PHKB: variants seen among roughly 807,000 people sequenced by gnomAD.
The protein encoded by PHKB is phosphorylase b kinase regulatory subunit beta.
A neutral mutation model predicts 152.1 loss-of-function variants in PHKB; 122 were observed. The ratio of observed to expected loss-of-function variants is 0.80; its 90% CI spans 0.69 to 0.93. PHKB has a LOEUF of 0.93. Ranked by LOEUF, PHKB falls within the 40% of genes least tolerant of loss-of-function variation. The pLI is 0.00. For synonymous variants in PHKB, 436 were observed against 464.9 expected (o/e 0.94, Z 0.80); for missense variants, 1,304 against 1,328.4 (o/e 0.98, Z 0.29).
intron 26 of PHKB, among the ~76,000 whole-genome samples, chr16:47,672,120 A>T (rs143419012): frequency 6.6e-6 from 1 of 152,166 alleles, no homozygotes; most frequent in Admixed American, 6.5e-5. Flanking sequence ...TTTTTAAGTG[A>T]TTTGCCTGAT....
chr16:47,693,604 G>C (rs1974100960), intron 28 of PHKB, 97 bp downstream of exon 28: 1 of 1,256,408 alleles, frequency 8.0e-7, no homozygotes, highest in South Asian at 1.2e-5. Context: ...CCTTTTCAGC[G>C]TTCTAAGAGT....
intron 29 of PHKB, among the ~76,000 whole-genome samples, chr16:47,697,270 A>G (rs925026647): frequency 6.6e-6 from 1 of 152,160 alleles, no homozygotes; most frequent in Non-Finnish European, 1.5e-5. Context: ...CCTAAAATCT[A>G]GCATGTCTGG....
chr16:47,513,095 G>T (rs1401800311), intron 5 of PHKB, among the ~76,000 whole-genome samples: 1 of 152,210 alleles, frequency 6.6e-6, no homozygotes, highest in Non-Finnish European at 1.5e-5. Flanking sequence ...GTTTTCAGAA[G>T]ATAATAGCTT....
chr16:47,677,836 GTA>G lies in PHKB; in HGVS notation c.2630+8422_2630+8423del, dbSNP rs1446196175. 2.6e-5 allele frequency among the ~76,000 whole-genome samples: 4 copies of G among 151,014 alleles called. No individual in the cohort carries two copies. In the East Asian group the frequency reaches 7.8e-4, roughly 29 times the overall value. ...CACAATGTGCAGGTTTGTTACATAT[GTA>G]TAGATCTGCCATGTTGGTGTGCTGC... On this transcript the variant is annotated intron_variant, in intron 26 of 30. Transcript: ENST00000323584.
At chr16:47,687,204 T>G (rs1973979835) in intron 26 of PHKB, among the ~76,000 whole-genome samples, 1 of 152,184 alleles carries the variant, frequency 6.6e-6, no homozygotes, top group Non-Finnish European at 1.5e-5. Flanking sequence ...ATAAATAAAA[T>G]AAGTAGAAGA....
chr16:47,566,747 A>G (rs1315456605), intron 7 of PHKB: 2 of 755,922 alleles, frequency 2.6e-6, no homozygotes, highest in East Asian at 2.5e-5. Flanking sequence ...TTGTTGAAAT[A>G]TCTCCTTCCA....
intron 5 of PHKB, 77 bp downstream of exon 5, chr16:47,511,849 GGGACTAGTTTTGT>G (rs764196045): frequency 9.1e-5 from 89 of 983,168 alleles, no homozygotes; most frequent in Non-Finnish European, 1.4e-4. Flanking sequence ...TTTGGCACCA[GGGACTAGTTTTGT>G]GGAAAACAAG....
At chr16:47,690,957 A>G (rs536609795) in intron 27 of PHKB, among the ~76,000 whole-genome samples, 1 of 152,220 alleles carries the variant, frequency 6.6e-6, no homozygotes, top group South Asian at 2.1e-4. Flanking sequence ...TGGTGGCTCA[A>G]GCTTGTGATC....
chr16:47,511,136 A>G (rs1798455857), intron 4 of PHKB, among the ~76,000 whole-genome samples: 1 of 152,214 alleles, frequency 6.6e-6, no homozygotes, highest in South Asian at 2.1e-4. Context: ...TGCCTTAGTA[A>G]TGAGAGTACA....
chr16:47,482,872 C>T (rs574925145), intron 1 of PHKB, among the ~76,000 whole-genome samples: 4 of 151,594 alleles, frequency 2.6e-5, no homozygotes, highest in Non-Finnish European at 5.9e-5. Context: ...AGGCACACAC[C>T]ACCATGCCTG....
At chr16:47,471,246 G>A (rs376901815) in intron 1 of PHKB, among the ~76,000 whole-genome samples, 4 of 152,154 alleles carry the variant, frequency 2.6e-5, no homozygotes, top group African/African-American at 7.2e-5. Context: ...TATTTAAAGC[G>A]TACTGAAAAG....
intron 5 of PHKB, among the ~76,000 whole-genome samples, chr16:47,512,535 A>G (rs1163831099): frequency 1.3e-5 from 2 of 152,222 alleles, no homozygotes; most frequent in African/African-American, 4.8e-5. Context: ...TTAATGTGTC[A>G]TCCTTCAGTG....
In PHKB at chr16:47,547,445, C is replaced by G; in HGVS notation, c.607C>G (p.Gln203Glu). The change falls in exon 7 of 31, where the codon CAA becomes GAA. Residue 203 changes from glutamine to glutamate, a missense_variant. Physicochemically the swap from Gln to Glu is conservative, Grantham distance 29. Transcript: ENST00000323584. ...IYNTDEVSFI[Q>E]NLVFCVERVY... is the part of the protein sequence containing the mutation. ...CTTTTTCTTTTAGGTCTCTTTTATT[C>G]AAAACCTTGTATTTTGTGTGGAAAG... 6.2e-7 allele frequency: 1 copy of G among 1,604,312 alleles called. No individual in the cohort carries two copies. The highest frequency in any genetic ancestry group is 8.5e-7 in the Non-Finnish European group (1 of 1,171,372).
intron 26 of PHKB, among the ~76,000 whole-genome samples, chr16:47,680,174 T>G (rs1345421642): frequency 2.0e-5 from 3 of 152,234 alleles, no homozygotes; most frequent in Non-Finnish European, 4.4e-5. Flanking sequence ...AGTTTGCCAG[T>G]ATTTTATTGA....
intron 16 of PHKB, 80 bp downstream of exon 16, chr16:47,641,772 C>T (rs781185989): frequency 2.4e-5 from 19 of 803,982 alleles, no homozygotes; most frequent in Non-Finnish European, 4.0e-5. Context: ...ACAGACAAGT[C>T]ACACAGTTAA....
At chr16:47,643,355 G>C (rs1973059238) in intron 16 of PHKB, among the ~76,000 whole-genome samples, 1 of 152,190 alleles carries the variant, frequency 6.6e-6, no homozygotes, top group Admixed American at 6.5e-5. Flanking sequence ...TTTGATAACT[G>C]TTATAATAGA....
intron 4 of PHKB, among the ~76,000 whole-genome samples, chr16:47,507,477 A>G (rs568111396): frequency 2.0e-5 from 3 of 152,238 alleles, no homozygotes; most frequent in African/African-American, 7.2e-5. Flanking sequence ...CAATTGTAAT[A>G]TGTTTTCTTT....
intron 6 of PHKB, among the ~76,000 whole-genome samples, chr16:47,528,478 T>A (rs1970803364): frequency 1.3e-5 from 2 of 152,164 alleles, no homozygotes; most frequent in South Asian, 4.1e-4. Context: ...CCTCAATAAA[T>A]TTTATGAGAT....
At chr16:47,552,256 A>T (rs1204611459) in intron 7 of PHKB, among the ~76,000 whole-genome samples, 1 of 152,114 alleles carries the variant, frequency 6.6e-6, no homozygotes, top group Non-Finnish European at 1.5e-5. Flanking sequence ...TCCTGTCATT[A>T]TGATGTTAGC....
Sources: gnomAD v4.1 joint callset for allele counts (sites outside exome capture counted in the v4.1 genomes callset) on GRCh38, gnomAD v4.1.1 for gene constraint, MANE v1.5 for transcripts, NCBI Gene and HGNC (gene_info 2026-07-23, HGNC 2026-07-21) for gene names.